Variants in SCP2 observed in about 807,000 individuals in gnomAD.
SCP2 encodes the protein sterol carrier protein 2, also known as SCP-2/3-oxoacyl-CoA thiolase.
SCP2 carries 48 observed loss-of-function variants against 71.4 expected under a neutral mutation model. The observed-to-expected ratio is 0.67, with a 90% confidence interval of 0.53 to 0.86. The LOEUF is 0.86. Ranked by LOEUF, SCP2 falls within the 40% of genes least tolerant of loss-of-function variation. The pLI is 0.00. For synonymous variants in SCP2, 220 were observed against 218.1 expected, an observed-to-expected ratio of 1.01 and a Z score of -0.08; for missense variants, 560 against 655.6, an observed-to-expected ratio of 0.85 and a Z score of 1.59.
intron 10 of SCP2, among the ~76,000 whole-genome samples, chr1:52,983,655 T>C (rs1319490585): frequency 2.0e-5 from 3 of 152,218 alleles, no homozygotes; most frequent in African/African-American, 7.2e-5. Flanking sequence ...AAAATTTCCA[T>C]TTGGTTCATT....
chr1:53,047,278 T>TAATGTAACA (rs1663881814), intron 14 of SCP2, among the ~76,000 whole-genome samples: 1 of 152,248 alleles, frequency 6.6e-6, no homozygotes, highest in Non-Finnish European at 1.5e-5. Flanking sequence ...TAGAATCATT[T>TAATGTAACA]AATGTAACAA....
chr1:52,993,259 A>G (rs1469051235), intron 11 of SCP2: 11 of 1,614,154 alleles, frequency 6.8e-6, no homozygotes, highest in Non-Finnish European at 9.3e-6. Context: ...CTGGTGAAGG[A>G]GGACATTCCT....
chr1:53,047,258 G>T (rs1218618576), intron 14 of SCP2, among the ~76,000 whole-genome samples: 1 of 152,204 alleles, frequency 6.6e-6, no homozygotes, highest in African/African-American at 2.4e-5. Context: ...GAATGAGTCT[G>T]CTAGCAAGGT....
At chr1:53,025,191 C>A (rs529893006) in intron 12 of SCP2, among the ~76,000 whole-genome samples, 1 of 152,062 alleles carries the variant, frequency 6.6e-6, no homozygotes, top group Non-Finnish European at 1.5e-5. Context: ...CAGTTTGCCC[C>A]TCCCTCCTGG....
intron 11 of SCP2, among the ~76,000 whole-genome samples, chr1:53,001,494 C>G (rs1231911468): frequency 6.6e-6 from 1 of 152,166 alleles, no homozygotes; most frequent in Non-Finnish European, 1.5e-5. Context: ...ATACACTGTT[C>G]TAAGTATACT....
intron 5 of SCP2, among the ~76,000 whole-genome samples, chr1:52,959,573 A>T (rs1424533761): frequency 6.6e-6 from 1 of 151,932 alleles, no homozygotes; most frequent in African/African-American, 2.4e-5. Context: ...TTTATGGGAA[A>T]GTTTTCAATC....
intron 13 of SCP2, among the ~76,000 whole-genome samples, chr1:53,035,448 A>G (rs1432513082): frequency 6.6e-6 from 1 of 152,216 alleles, no homozygotes; most frequent in African/African-American, 2.4e-5. Context: ...AAGATTTACT[A>G]TATTCGTGGA....
intron 11 of SCP2, among the ~76,000 whole-genome samples, chr1:53,011,986 C>T (rs1661014599): frequency 6.6e-6 from 1 of 152,184 alleles, no homozygotes; most frequent in Non-Finnish European, 1.5e-5. Context: ...CTCTCAGTCC[C>T]ATTCTCCCCA....
At chr1:53,015,133 T>C in intron 12 of SCP2, 90 bp downstream of exon 12, 4 of 1,260,408 alleles carry the variant, frequency 3.2e-6, no homozygotes, top group Non-Finnish European at 4.6e-6. Context: ...TCTTATTTTA[T>C]TGTCTTAGTA....
At chr1:53,000,016 T>A (rs1355351463) in intron 11 of SCP2, among the ~76,000 whole-genome samples, 1 of 151,922 alleles carries the variant, frequency 6.6e-6, no homozygotes, top group African/African-American at 2.4e-5. Flanking sequence ...GGGGTTTCAC[T>A]ATGTTGGCCA....
At chr1:53,003,963 T>C (rs923728436) in intron 11 of SCP2, among the ~76,000 whole-genome samples, 2 of 152,166 alleles carry the variant, frequency 1.3e-5, no homozygotes, top group African/African-American at 2.4e-5. Flanking sequence ...TGTATGCACA[T>C]CTGAATCGCC....
rs982952445 is a variant in SCP2 at position 52,933,083 on chromosome 1, A to G, written c.69+5618A>G. On this transcript the variant is annotated intron_variant, in intron 1 of 15. Coordinates refer to ENST00000371514, the MANE Select transcript of SCP2 (RefSeq NM_002979.5). ...TGATCTTAAAATATCTTTTTCTACT[A>G]GAAGAAATGGCTGGTTGCAGAAATT... Among the ~76,000 whole-genome samples, 5 of 152,342 alleles carry G rather than the reference A, an allele frequency of 3.3e-5. No individual in the cohort carries two copies. In the East Asian group the frequency reaches 9.6e-4, roughly 29 times the overall value.
chr1:52,945,364 C>T (rs570106423), intron 2 of SCP2, among the ~76,000 whole-genome samples: 1 of 152,032 alleles, frequency 6.6e-6, no homozygotes, highest in Non-Finnish European at 1.5e-5. Flanking sequence ...ATCCTAATTT[C>T]TGAAATTTAT....
chr1:52,950,150 C>G (rs1655161432), intron 3 of SCP2, among the ~76,000 whole-genome samples: 1 of 151,498 alleles, frequency 6.6e-6, no homozygotes, highest in African/African-American at 2.4e-5. Flanking sequence ...GAGACCGAGT[C>G]TCTCTCTGTC....
intron 6 of SCP2, among the ~76,000 whole-genome samples, chr1:52,972,063 T>G (rs2150159023): frequency 6.6e-6 from 1 of 152,302 alleles, no homozygotes; most frequent in South Asian, 2.1e-4. Flanking sequence ...TATTGTTTCT[T>G]TATTCTTCAT....
chr1:52,957,910 T>C (rs1281611912), intron 5 of SCP2, among the ~76,000 whole-genome samples: 1 of 152,142 alleles, frequency 6.6e-6, no homozygotes, highest in Non-Finnish European at 1.5e-5. Flanking sequence ...CTTTTTTCCA[T>C]TATATTGCCT....
chr1:53,027,732 C>A (rs914925825), intron 12 of SCP2, among the ~76,000 whole-genome samples: 4 of 151,754 alleles, frequency 2.6e-5, no homozygotes, highest in Admixed American at 2.6e-4. Context: ...CTCGAACTCC[C>A]GACTACAGGT....
At chr1:52,941,358 A>G (rs1347612568) in intron 1 of SCP2, among the ~76,000 whole-genome samples, 1 of 152,130 alleles carries the variant, frequency 6.6e-6, no homozygotes, top group African/African-American at 2.4e-5. Flanking sequence ...CAAGGATTTT[A>G]TATTATTTAT....
At chr1:52,994,895 G>A in intron 11 of SCP2, 2 of 512,436 alleles carry the variant, frequency 3.9e-6, no homozygotes, top group South Asian at 1.6e-5. Flanking sequence ...GCCATAGATG[G>A]CAAATATGTT....
Sources: allele counts gnomAD v4.1 joint callset (sites outside exome capture counted in the v4.1 genomes callset), GRCh38; gene constraint gnomAD v4.1.1; transcripts MANE v1.5; gene names NCBI Gene and HGNC (gene_info 2026-07-23, HGNC 2026-07-21).